The following SLC13A3 variants were observed in gnomAD, a reference collection of about 807,000 sequenced individuals.
SLC13A3 encodes the protein Na(+)/dicarboxylate cotransporter 3.
Under a neutral mutation model 59.0 loss-of-function variants are expected in SLC13A3, and 40 were observed. That is an observed-to-expected ratio of 0.68 (90% CI 0.53 to 0.88). The LOEUF is 0.88. SLC13A3 is among the 40% of genes least tolerant of loss of function. The probability of loss-of-function intolerance (pLI) is 0.00; values close to 1 mark genes in which losing one functional copy is unlikely to be tolerated. For synonymous variants in SLC13A3, 317 were observed against 330.3 expected (o/e 0.96, Z 0.44); for missense variants, 699 against 783.2 (o/e 0.89, Z 1.28).
intron 3 of SLC13A3, among the ~76,000 whole-genome samples, chr20:46,601,953 G>A (rs149208473): frequency 5.7e-4 from 87 of 152,262 alleles, no homozygotes; most frequent in African/African-American, 2.1e-3. Context: ...TCACAGGAAG[G>A]ACTGTGGCTT....
At chr20:46,639,128 A>G (rs1051414995) in intron 1 of SLC13A3, among the ~76,000 whole-genome samples, 1 of 151,788 alleles carries the variant, frequency 6.6e-6, no homozygotes, top group Non-Finnish European at 1.5e-5. Flanking sequence ...TAACTGGCCC[A>G]AGGTCACACA....
In SLC13A3 at chr20:46,610,461, T is replaced by C; in HGVS notation, c.526A>G (p.Ser176Gly). 6.2e-7 allele frequency: 1 copy of C among 1,613,454 alleles called. No homozygotes were observed. Among genetic ancestry groups the C allele is most frequent in the South Asian group, 1.1e-5 (1 of 90,964 alleles). ...KEVRKDPSQE[S>G]EENTAAVRRN... Reference sequence around the variant, plus strand: ...ACAGCCTCACCTGTGTTCTCTTCACTCTCCTGGCTGGGGTCCTTTCGAACC... The same window carrying C: ...ACAGCCTCACCTGTGTTCTCTTCACCCTCCTGGCTGGGGTCCTTTCGAACC... Residue 176 changes from serine (S) to glycine (G), a missense_variant, in exon 3 of 13, where the codon AGT becomes GGT. Physicochemically the swap from Ser to Gly is moderately conservative, Grantham distance 56. Transcript: ENST00000279027.
intron 9 of SLC13A3, among the ~76,000 whole-genome samples, chr20:46,578,892 A>AGTCGTC (rs776288358): frequency 2.0e-5 from 3 of 151,560 alleles, no homozygotes; most frequent in East Asian, 3.9e-4. Context: ...AGGAAAGAGA[A>AGTCGTC]GTCGTCGTCG....
intron 3 of SLC13A3, among the ~76,000 whole-genome samples, chr20:46,603,875 C>T (rs2062407990): frequency 6.6e-6 from 1 of 151,294 alleles, no homozygotes; most frequent in African/African-American, 2.4e-5. Context: ...CTGGGTAGTC[C>T]CAGCTCTTGA....
intron 1 of SLC13A3, among the ~76,000 whole-genome samples, chr20:46,618,843 A>G (rs1233953331): frequency 6.6e-6 from 1 of 152,216 alleles, no homozygotes; most frequent in Non-Finnish European, 1.5e-5. Context: ...TGACGTCTTC[A>G]GATTTCTCCG....
intron 5 of SLC13A3, among the ~76,000 whole-genome samples, chr20:46,593,789 T>C (rs1600531535): frequency 6.6e-6 from 1 of 152,268 alleles, no homozygotes; most frequent in African/African-American, 2.4e-5. Flanking sequence ...AAAATCAGAC[T>C]ATAAAACTGT....
chr20:46,561,407 A>C (rs1298394147), intron 12 of SLC13A3, among the ~76,000 whole-genome samples: 1 of 152,172 alleles, frequency 6.6e-6, no homozygotes, highest in Non-Finnish European at 1.5e-5. Flanking sequence ...GACCTGTCTC[A>C]GATTTTTGGG....
chr20:46,668,372 A>G (rs2122926549), intron 1 of SLC13A3, among the ~76,000 whole-genome samples: 1 of 152,374 alleles, frequency 6.6e-6, no homozygotes, highest in East Asian at 1.9e-4. Flanking sequence ...TATTCCTGAT[A>G]GGGAGAAAGT....
intron 1 of SLC13A3, 41 bp from the exon 2 acceptor site, chr20:46,613,766 G>C (rs749477923): frequency 6.5e-7 from 1 of 1,535,976 alleles, no homozygotes; most frequent in South Asian, 1.3e-5. Context: ...AGCGGGGCTC[G>C]GGGCAGAAGG....
chr20:46,573,188 G>A (rs777529731), intron 10 of SLC13A3, among the ~76,000 whole-genome samples: 7 of 152,194 alleles, frequency 4.6e-5, no homozygotes, highest in Non-Finnish European at 8.8e-5. Context: ...GAGCAGCTAT[G>A]TAGAGAGCCT....
upstream of SLC13A3, chr20:46,670,234 A>AAGTTGTTATGT (rs2063083161): frequency 6.6e-6 from 1 of 152,190 alleles, no homozygotes; most frequent in African/African-American, 2.4e-5. Context: ...AAGTGAGTAG[A>AAGTTGTTATGT]AGTTGTTATG....
upstream of SLC13A3, among the ~76,000 whole-genome samples, chr20:46,656,143 A>T (rs1212475109): frequency 7.0e-6 from 1 of 143,818 alleles, no homozygotes; most frequent in Non-Finnish European, 1.5e-5. Flanking sequence ...AGTCTATATT[A>T]TACTGTATGT....
exon 1 of SLC13A3, chr20:46,684,420 C>T (rs1249980250): frequency 6.6e-6 from 1 of 152,186 alleles, no homozygotes; most frequent in Non-Finnish European, 1.5e-5. Flanking sequence ...GGGGATGCCT[C>T]AGAAAACTTA....
chr20:46,607,372 A>C (rs2062446243), intron 3 of SLC13A3, among the ~76,000 whole-genome samples: 1 of 151,782 alleles, frequency 6.6e-6, no homozygotes, highest in African/African-American at 2.4e-5. Context: ...CAGAATCTCT[A>C]CTCCCTCCAC....
At chr20:46,644,344 G>A (rs754633933) in intron 1 of SLC13A3, among the ~76,000 whole-genome samples, 8 of 152,158 alleles carry the variant, frequency 5.3e-5, no homozygotes, top group Admixed American at 6.5e-5. Context: ...GAGGTTGAAC[G>A]ATGATTAGAC....
Position 46,561,650 on chromosome 20 carries a change from G to GT in SLC13A3, c.1633-1453dup, listed in dbSNP as rs938426995. On this transcript the variant is annotated intron_variant, in intron 12 of 12. Coordinates refer to ENST00000279027, the MANE Select transcript of SLC13A3 (RefSeq NM_022829.6). ...TTTCTTCTGGAATATTCTTATTCAA[G>GT]TTTTTTTTTGTTTTTTTTTTTTAAT... 2.0e-4 allele frequency among the ~76,000 whole-genome samples: 28 copies of GT among 138,746 alleles called. 1 individual carries two copies. Among genetic ancestry groups the GT allele is most frequent in the South Asian group, 4.6e-4 (2 of 4,346 alleles). The allele number at this position is 138,746 out of a possible 152,430, so 91.0% of individuals were successfully genotyped here. A position where few individuals can be genotyped will look rare whatever the true frequency, so the allele number is the denominator to read the frequency against.
intron 4 of SLC13A3, 144 bp downstream of exon 4, chr20:46,599,827 G>A (rs2062354320): frequency 2.0e-6 from 1 of 495,966 alleles, no homozygotes; most frequent in Non-Finnish European, 3.6e-6. Flanking sequence ...TTAAGCCACA[G>A]AGATGAATGG....
intron 1 of SLC13A3, among the ~76,000 whole-genome samples, chr20:46,638,510 G>C (rs2062816490): frequency 6.6e-6 from 1 of 152,210 alleles, no homozygotes; most frequent in Non-Finnish European, 1.5e-5. Context: ...GCGGACAGAG[G>C]GGCCGTCAGC....
intron 1 of SLC13A3, among the ~76,000 whole-genome samples, chr20:46,623,042 T>C (rs2062632307): frequency 6.6e-6 from 1 of 152,132 alleles, no homozygotes; most frequent in Non-Finnish European, 1.5e-5. Context: ...AAGGAATAAA[T>C]AATACCATCT....
Sources: allele counts gnomAD v4.1 joint callset (sites outside exome capture counted in the v4.1 genomes callset), GRCh38; gene constraint gnomAD v4.1.1; transcripts MANE v1.5; gene names NCBI Gene and HGNC (gene_info 2026-07-23, HGNC 2026-07-21).